TMEM164: variants seen among roughly 807,000 people sequenced by gnomAD.
TMEM164 encodes transmembrane protein 164.
TMEM164 carries 4 observed loss-of-function variants against 18.8 expected under a neutral mutation model. The observed-to-expected ratio is 0.21, with a 90% confidence interval of 0.10 to 0.49. The LOEUF (loss-of-function observed/expected upper bound fraction) is 0.49. Among genes scored for constraint, TMEM164 ranks in the 20% least tolerant of loss-of-function variants. The pLI is 0.98. For missense variants in TMEM164, 108 were observed against 239.9 expected (o/e 0.45, Z 3.63); for synonymous variants, 86 against 101.7 (o/e 0.85, Z 0.93).
chrX:110,041,024 C>T (rs186829989), intron 2 of TMEM164, among the ~76,000 whole-genome samples: 5 of 111,882 alleles, frequency 4.5e-5, no homozygotes, highest in African/African-American at 9.7e-5. Context: ...CCCCCTAACC[C>T]GCACTAGCCC....
chrX:110,031,782 C>A (rs115821269), intron 2 of TMEM164, among the ~76,000 whole-genome samples: 1 of 110,530 alleles, frequency 9.0e-6, no homozygotes, highest in Non-Finnish European at 1.9e-5. Context: ...TTCCCCCTAC[C>A]TTTCCCCACC....
intron 5 of TMEM164, among the ~76,000 whole-genome samples, chrX:110,160,055 C>G (rs1239385362): frequency 1.8e-5 from 2 of 111,880 alleles, no homozygotes; most frequent in East Asian, 5.6e-4. Flanking sequence ...TTTAGGCCCA[C>G]AGCTTGGTCC....
At chrX:110,130,190 G>A (rs2066592873) in intron 4 of TMEM164, among the ~76,000 whole-genome samples, 1 of 111,941 alleles carries the variant, frequency 8.9e-6, no homozygotes, top group African/African-American at 3.3e-5. Context: ...CTCAATAGCA[G>A]GAGGTCAAAC....
At chrX:110,102,792 T>A (rs898523141) in intron 3 of TMEM164, among the ~76,000 whole-genome samples, 2 of 112,402 alleles carry the variant, frequency 1.8e-5, no homozygotes, top group Non-Finnish European at 3.8e-5. Flanking sequence ...CAGTAAATGG[T>A]AGGGATGGGA....
intron 4 of TMEM164, among the ~76,000 whole-genome samples, chrX:110,116,575 G>C (rs919906976): frequency 8.9e-6 from 1 of 111,794 alleles, no homozygotes; most frequent in African/African-American, 3.2e-5. Context: ...TGTACACAGA[G>C]ACATTACCAC....
At chrX:110,014,744 CTTTTTT>C (rs142705177) in intron 2 of TMEM164, among the ~76,000 whole-genome samples, 11 of 54,214 alleles carry the variant, frequency 2.0e-4, no homozygotes, top group Non-Finnish European at 3.2e-4. Context: ...TTGGTTGTTT[CTTTTTT>C]TTTTTTTTTT....
intron 5 of TMEM164, among the ~76,000 whole-genome samples, chrX:110,149,067 T>C (rs907173334): frequency 1.3e-5 from 1 of 78,059 alleles, no homozygotes; most frequent in African/African-American, 5.7e-5. Context: ...GTAATACATG[T>C]CCTTAAATCT....
rs991109105 is a variant in TMEM164 at position 110,008,670 on chromosome X, C to T, written c.390+4506C>T. 8.1e-5 allele frequency among the ~76,000 whole-genome samples: 9 copies of T among 111,456 alleles called. No homozygotes were observed. The East Asian group carries it at 2.5e-3, about 31-fold the overall frequency. On this transcript the variant is annotated intron_variant, in intron 2 of 6. Transcript: ENST00000372068. ...GCTGTGGATTGGTGAATTAAACAAC[C>T]CACAGGCAGCCCCAGGATTTAAAAT...
chrX:110,092,058 A>G (rs1395449798), intron 3 of TMEM164, among the ~76,000 whole-genome samples: 1 of 111,614 alleles, frequency 9.0e-6, no homozygotes, highest in South Asian at 3.7e-4. Context: ...GTTCTGTTCC[A>G]TTGGTCCATA....
At chrX:110,033,527 G>A (rs1934615729) in intron 2 of TMEM164, among the ~76,000 whole-genome samples, 1 of 112,136 alleles carries the variant, frequency 8.9e-6, no homozygotes, top group Non-Finnish European at 1.9e-5. Context: ...TTCCCCTGGG[G>A]AAGTAGGTAT....
intron 2 of TMEM164, among the ~76,000 whole-genome samples, chrX:110,062,861 A>T (rs1053865611): frequency 1.8e-5 from 2 of 111,420 alleles, no homozygotes; most frequent in Admixed American, 1.9e-4. Context: ...CCATGGAAGG[A>T]TTTAAAATGG....
intron 3 of TMEM164, among the ~76,000 whole-genome samples, chrX:110,102,096 T>A (rs1327766247): frequency 2.9e-5 from 3 of 101,960 alleles, no homozygotes; most frequent in African/African-American, 3.6e-5. Context: ...GAGGCCGAGG[T>A]GGGTGGATTG....
chrX:110,177,081 A>G lies in TMEM164; in HGVS notation c.*3630A>G, dbSNP rs2067298414. 1.8e-5 allele frequency: 2 copies of G among 111,442 alleles called. No homozygotes were observed. The allele number at this position is 111,442 out of a possible 1,213,427, so 9.2% of individuals were successfully genotyped here. On this transcript the variant is annotated 3_prime_UTR_variant, in exon 7 of 7. Coordinates refer to ENST00000372068, the MANE Select transcript of TMEM164 (RefSeq NM_032227.4). ...TAGAGTGAGCTGATTTGGGCTCAGGAAAACCTAGTCGCTTGTTGCTCTCGT... is the reference window on the plus strand; with the variant it reads ...TAGAGTGAGCTGATTTGGGCTCAGGGAAACCTAGTCGCTTGTTGCTCTCGT...
chrX:110,166,628 T>C lies in TMEM164; in HGVS notation c.587-4792T>C, dbSNP rs1023125119. Among the ~76,000 whole-genome samples, 5 of 112,211 alleles carry C rather than the reference T, an allele frequency of 4.5e-5. No homozygotes were observed. In the East Asian group the frequency reaches 1.4e-3, roughly 31 times the overall value. ...GGCTGCTGCTGGTGCAACTGACTTC[T>C]TTCCCAGGACTCATAAAACTTGCTT... On this transcript the variant is annotated intron_variant, in intron 5 of 6. Transcript: ENST00000372068.
chrX:110,146,729 C>T (rs1166080306), intron 5 of TMEM164, among the ~76,000 whole-genome samples: 2 of 111,793 alleles, frequency 1.8e-5, no homozygotes, highest in African/African-American at 6.5e-5. Context: ...TCTCCCTTTC[C>T]AGCTCTTTAC....
downstream of TMEM164, among the ~76,000 whole-genome samples, chrX:110,178,316 T>C (rs1221523570): frequency 8.9e-6 from 1 of 112,234 alleles, no homozygotes; most frequent in East Asian, 2.8e-4. Context: ...GGCTTTCACC[T>C]GGGCTGCTGT....
At chrX:110,145,808 A>T (rs1485147272) in intron 5 of TMEM164, among the ~76,000 whole-genome samples, 1 of 111,909 alleles carries the variant, frequency 8.9e-6, no homozygotes, top group Non-Finnish European at 1.9e-5. Context: ...TAAATCAGGC[A>T]TTCCGGCAGA....
intron 4 of TMEM164, among the ~76,000 whole-genome samples, chrX:110,125,059 C>T (rs1187266230): frequency 8.9e-6 from 1 of 112,263 alleles, no homozygotes; most frequent in East Asian, 2.8e-4. Flanking sequence ...TCCAGTCTTC[C>T]TTCTACAGCA....
chrX:110,075,052 A>G (rs2065650961), intron 3 of TMEM164, among the ~76,000 whole-genome samples: 2 of 112,040 alleles, frequency 1.8e-5, no homozygotes, highest in South Asian at 7.3e-4. Flanking sequence ...TTCGGGTAGT[A>G]TGGCCATTTG....
Sources: gnomAD v4.1 joint callset for allele counts (sites outside exome capture counted in the v4.1 genomes callset) on GRCh38, gnomAD v4.1.1 for gene constraint, MANE v1.5 for transcripts, NCBI Gene and HGNC (gene_info 2026-07-23, HGNC 2026-07-21) for gene names.